Variants in NSG2 observed in about 807,000 individuals in gnomAD.
The protein encoded by NSG2 is neuronal vesicle trafficking-associated protein 2.
Under a neutral mutation model 16.9 loss-of-function variants are expected in NSG2, and 4 were observed. The ratio of observed to expected loss-of-function variants is 0.24; its 90% CI spans 0.12 to 0.54. The LOEUF is 0.54. Among genes scored for constraint, NSG2 ranks in the 20% least tolerant of loss-of-function variants. NSG2 has a pLI of 0.95. For synonymous variants in NSG2, 98 were observed against 88.7 expected (o/e 1.11, Z -0.59); for missense variants, 179 against 221.1 (o/e 0.81, Z 1.21).
intron 3 of NSG2, among the ~76,000 whole-genome samples, chr5:174,067,890 C>T (rs746576036): frequency 6.6e-6 from 1 of 152,070 alleles, no homozygotes; most frequent in Non-Finnish European, 1.5e-5. Context: ...GTCTACCTGC[C>T]ACTGAGGTAG....
chr5:174,052,082 G>T (rs1759898028), intron 2 of NSG2, among the ~76,000 whole-genome samples: 1 of 152,148 alleles, frequency 6.6e-6, no homozygotes, highest in South Asian at 2.1e-4. Context: ...TAGGGACAAG[G>T]GACAGGTTCA....
At position 174,107,392 on chromosome 5, in the gene NSG2, G is replaced by A. The variant is rs1760999326; in HGVS notation, c.403G>A (p.Val135Ile). 1.1e-5 allele frequency: 18 copies of A among 1,610,782 alleles called. No homozygotes were observed. In the East Asian group the frequency reaches 2.9e-4, roughly 26 times the overall value. The stretch of plus-strand genomic sequence containing the variant: ...CAATTCCAGAAGCCGCTTCTACACA[G>A]TCATCAGCCACTACAGCGTGGCCAA... ...DPNSRSRFYT[V>I]ISHYSVAKQS... Residue 135 changes from valine to isoleucine, a missense_variant, in exon 5 of 5, where the codon GTC (valine) becomes ATC (isoleucine). By Grantham distance (29) the Val-to-Ile change is conservative (BLOSUM62 3). Transcript: ENST00000303177. The surrounding 1 kb of genome is among the most constrained non-coding windows in gnomAD (Gnocchi z 4.5).
intron 2 of NSG2, among the ~76,000 whole-genome samples, chr5:174,063,460 A>G (rs1249060241): frequency 6.6e-6 from 1 of 152,120 alleles, no homozygotes; most frequent in African/African-American, 2.4e-5. Flanking sequence ...CAAGTCCCCA[A>G]ATCAAATTGG....
intron 3 of NSG2, among the ~76,000 whole-genome samples, chr5:174,082,102 C>G (rs1022539580): frequency 1.3e-5 from 2 of 152,154 alleles, no homozygotes; most frequent in Non-Finnish European, 2.9e-5. Context: ...TTGTACCCGA[C>G]CACCTGTCTG....
At chr5:174,060,811 G>T (rs949201005) in intron 2 of NSG2, among the ~76,000 whole-genome samples, 1 of 152,214 alleles carries the variant, frequency 6.6e-6, no homozygotes, top group Admixed American at 6.5e-5. Context: ...GTTGCCCTCA[G>T]GTACTAGCTG....
intron 3 of NSG2, among the ~76,000 whole-genome samples, chr5:174,077,103 G>A (rs981285321): frequency 2.0e-5 from 3 of 152,148 alleles, no homozygotes; most frequent in Admixed American, 6.5e-5. Context: ...GATGGCCACA[G>A]GAAGTGCGAT....
At chr5:174,092,802 C>T (rs1259098443) in intron 3 of NSG2, among the ~76,000 whole-genome samples, 1 of 152,086 alleles carries the variant, frequency 6.6e-6, no homozygotes, top group African/African-American at 2.4e-5. Flanking sequence ...CCAGACTCGG[C>T]ACGTGAGGAT....
At chr5:174,053,164 G>A (rs1433867392) in intron 2 of NSG2, among the ~76,000 whole-genome samples, 2 of 152,174 alleles carry the variant, frequency 1.3e-5, no homozygotes, top group African/African-American at 2.4e-5. Flanking sequence ...TGGGCTTTGA[G>A]TTTGTTCAGC....
chr5:174,080,753 G>A (rs1760446354), intron 3 of NSG2, among the ~76,000 whole-genome samples: 3 of 151,984 alleles, frequency 2.0e-5, no homozygotes, highest in Admixed American at 2.0e-4. Context: ...AGTAAAGATG[G>A]GGTTTTACCA....
chr5:174,063,172 A>G (rs1172196242), intron 2 of NSG2, among the ~76,000 whole-genome samples: 1 of 152,214 alleles, frequency 6.6e-6, no homozygotes, highest in African/African-American at 2.4e-5. Flanking sequence ...TAGGGATATG[A>G]ATTAGAATTA....
At chr5:174,077,134 C>A (rs191820827) in intron 3 of NSG2, among the ~76,000 whole-genome samples, 1 of 152,266 alleles carries the variant, frequency 6.6e-6, no homozygotes, top group East Asian at 1.9e-4. Context: ...CCTAAACAGA[C>A]CCAATATGAT....
At chr5:174,085,707 G>C (rs1760599753) in intron 3 of NSG2, among the ~76,000 whole-genome samples, 1 of 152,120 alleles carries the variant, frequency 6.6e-6, no homozygotes, top group Admixed American at 6.5e-5. Context: ...GGGTTTTCTT[G>C]TTTGGATCAT....
Position 174,046,899 on chromosome 5 carries a change from C to T in NSG2, c.129+15C>T, listed in dbSNP as rs1308994359. The T allele has an allele frequency of 1.2e-6, 2 of 1,613,714 alleles. No individual in the cohort carries two copies. The highest frequency in any genetic ancestry group is 1.7e-5 in the Admixed American group (1 of 59,966). On this transcript the variant is annotated intron_variant, in intron 2 of 4. Coordinates refer to ENST00000303177, the MANE Select transcript of NSG2 (RefSeq NM_015980.5). ...CTCCAGAAAAGGTAAAGCATGTCCTCTTGCTCTCATCAGCCCCCAGGCTCC... is the reference window on the plus strand; with the variant it reads ...CTCCAGAAAAGGTAAAGCATGTCCTTTTGCTCTCATCAGCCCCCAGGCTCC...
At chr5:174,054,758 T>C (rs1263265746) in intron 2 of NSG2, among the ~76,000 whole-genome samples, 1 of 152,222 alleles carries the variant, frequency 6.6e-6, no homozygotes, top group African/African-American at 2.4e-5. Context: ...ACTTGTTCAC[T>C]TTGACACACA....
intron 3 of NSG2, chr5:174,066,170 A>G (rs755105222): frequency 2.2e-5 from 10 of 456,132 alleles, no homozygotes; most frequent in African/African-American, 1.8e-4. Flanking sequence ...CTTGGAGAGC[A>G]GTGGCTGGTC....
At chr5:174,084,683 A>G (rs1249189948) in intron 3 of NSG2, among the ~76,000 whole-genome samples, 2 of 152,158 alleles carry the variant, frequency 1.3e-5, no homozygotes, top group African/African-American at 4.8e-5. Context: ...AAAGGAAGAC[A>G]CCCCTGGGCT....
intron 3 of NSG2, among the ~76,000 whole-genome samples, chr5:174,077,875 A>G (rs1452037065): frequency 3.3e-5 from 5 of 152,170 alleles, no homozygotes; most frequent in Admixed American, 2.0e-4. Flanking sequence ...TTTGTTTTAA[A>G]ATAAGAATAA....
rs562876650 is a variant in NSG2, at chr5:174,088,045, C to G, written c.214-16183C>G. Among the ~76,000 whole-genome samples, 3 of 152,214 alleles carry G rather than the reference C, an allele frequency of 2.0e-5. No individual in the cohort carries two copies. In the East Asian group the frequency reaches 5.8e-4, roughly 29 times the overall value. ...ATGTTACCTCCCATACCTGTCTTGC[C>G]ATTTTAGGGTTGTCATTTCTATCCA... is the stretch of plus-strand genomic sequence containing the variant. On this transcript the variant is annotated intron_variant, in intron 3 of 4. Coordinates refer to ENST00000303177, the MANE Select transcript of NSG2 (RefSeq NM_015980.5).
chr5:174,090,554 C>G (rs957622212), intron 3 of NSG2, among the ~76,000 whole-genome samples: 3 of 152,210 alleles, frequency 2.0e-5, no homozygotes, highest in Non-Finnish European at 4.4e-5. Context: ...TCTTAAAATC[C>G]AGCTTCCCAG....
Sources: gnomAD v4.1 joint callset for allele counts (sites outside exome capture counted in the v4.1 genomes callset) on GRCh38, gnomAD v4.1.1 for gene constraint, Gnocchi (gnomAD v3.1) non-coding constraint, MANE v1.5 for transcripts, NCBI Gene and HGNC (gene_info 2026-07-23, HGNC 2026-07-21) for gene names.